BICD1: variants seen among roughly 807,000 people sequenced by gnomAD.
The protein encoded by BICD1 is BICD cargo adaptor 1.
BICD1 carries 35 observed loss-of-function variants against 92.5 expected under a neutral mutation model. The ratio of observed to expected loss-of-function variants is 0.38; its 90% CI spans 0.29 to 0.50. The LOEUF (loss-of-function observed/expected upper bound fraction) is 0.50, where lower values mean the gene tolerates loss of function less well. BICD1 is among the 20% of genes least tolerant of loss of function. The probability of loss-of-function intolerance (pLI) is 0.93; values close to 1 mark genes in which losing one functional copy is unlikely to be tolerated. For missense variants in BICD1, 950 were observed against 1,189.8 expected, an observed-to-expected ratio of 0.80 and a Z score of 2.97; for synonymous variants, 429 against 465.1, an observed-to-expected ratio of 0.92 and a Z score of 1.00.
At chr12:32,218,053 G>A (rs1945409950) in intron 2 of BICD1, among the ~76,000 whole-genome samples, 1 of 152,184 alleles carries the variant, frequency 6.6e-6, no homozygotes, top group Non-Finnish European at 1.5e-5. Flanking sequence ...AATCCCCATT[G>A]TGTGTAGCAG....
At chr12:32,154,959 A>G (rs1330288539) in intron 1 of BICD1, among the ~76,000 whole-genome samples, 1 of 151,898 alleles carries the variant, frequency 6.6e-6, no homozygotes, top group Non-Finnish European at 1.5e-5. Context: ...TTTACCCCAC[A>G]TTGTTTCTGC....
In BICD1 at chr12:32,288,587, C is replaced by T. The variant is rs182197745; in HGVS notation, c.427-5407C>T. The stretch of plus-strand genomic sequence containing the variant: ...TTAAAAATTATTATAATAAGTTGGC[C>T]GGGCTTGGTGACTCACACTTGTAAT... On this transcript the variant is annotated intron_variant, in intron 2 of 9. Coordinates refer to ENST00000652176, the MANE Select transcript of BICD1 (RefSeq NM_001714.4). Among the ~76,000 whole-genome samples, 10 of 152,032 alleles carry T rather than the reference C, an allele frequency of 6.6e-5. No individual in the cohort carries two copies. In the East Asian group the frequency reaches 1.8e-3, roughly 27 times the overall value.
At chr12:32,133,541 A>G (rs1942630595) in intron 1 of BICD1, among the ~76,000 whole-genome samples, 1 of 152,046 alleles carries the variant, frequency 6.6e-6, no homozygotes, top group Non-Finnish European at 1.5e-5. Flanking sequence ...GAAGGGATTC[A>G]TGACTTTGCC....
intron 2 of BICD1, among the ~76,000 whole-genome samples, chr12:32,223,880 G>A (rs757000943): frequency 6.6e-6 from 1 of 152,150 alleles, no homozygotes; most frequent in East Asian, 1.9e-4. Context: ...GAAAGAGATG[G>A]GGAATGGCTG....
chr12:32,295,082 G>GGAA (rs760259449), intron 3 of BICD1, among the ~76,000 whole-genome samples: 4 of 103,496 alleles, frequency 3.9e-5, no homozygotes, highest in African/African-American at 1.5e-4. Context: ...ATTCCGTCTC[G>GGAA]AAAAAAAAAA....
intron 9 of BICD1, among the ~76,000 whole-genome samples, chr12:32,368,677 A>T (rs1939620226): frequency 6.6e-6 from 1 of 152,180 alleles, no homozygotes; most frequent in Admixed American, 6.5e-5. Flanking sequence ...CCTAGGTGAC[A>T]GAGAGAGATT....
intron 2 of BICD1, among the ~76,000 whole-genome samples, chr12:32,225,788 T>C (rs1048398737): frequency 6.6e-6 from 1 of 151,610 alleles, no homozygotes; most frequent in East Asian, 1.9e-4. Context: ...ACCCGGCTAA[T>C]TTTTTGTATT....
intron 1 of BICD1, among the ~76,000 whole-genome samples, chr12:32,135,433 C>T (rs1307537314): frequency 1.8e-5 from 2 of 109,910 alleles, no homozygotes; most frequent in South Asian, 3.4e-4. Flanking sequence ...GGGTCTCTTG[C>T]GCTGTCACCT....
chr12:32,226,746 C>T (rs1350697258), intron 2 of BICD1, among the ~76,000 whole-genome samples: 2 of 152,184 alleles, frequency 1.3e-5, no homozygotes, highest in Non-Finnish European at 2.9e-5. Context: ...TGAGAAGCCC[C>T]TTCTAGATGG....
chr12:32,272,703 G>C (rs556718492), intron 2 of BICD1, among the ~76,000 whole-genome samples: 13 of 152,294 alleles, frequency 8.5e-5, no homozygotes, highest in African/African-American at 3.1e-4. Flanking sequence ...ACGTGCACCT[G>C]TAATCTCAGC....
chr12:32,220,043 T>G (rs937531195), intron 2 of BICD1, among the ~76,000 whole-genome samples: 1 of 152,174 alleles, frequency 6.6e-6, no homozygotes, highest in Non-Finnish European at 1.5e-5. Flanking sequence ...TAGCCATATG[T>G]AGAAAGCTGA....
intron 2 of BICD1, among the ~76,000 whole-genome samples, chr12:32,221,487 G>A (rs1945530272): frequency 6.6e-6 from 1 of 151,714 alleles, no homozygotes; most frequent in Non-Finnish European, 1.5e-5. Flanking sequence ...TTCAAGATCA[G>A]CCTGGCCAAG....
At chr12:32,247,741 C>T (rs546786331) in intron 2 of BICD1, among the ~76,000 whole-genome samples, 16 of 151,678 alleles carry the variant, frequency 1.1e-4, no homozygotes, top group Non-Finnish European at 1.5e-4. Context: ...TGCAGTGAGC[C>T]GAGATTGCAC....
At chr12:32,141,466 A>C (rs1174311973) in intron 1 of BICD1, among the ~76,000 whole-genome samples, 2 of 151,872 alleles carry the variant, frequency 1.3e-5, no homozygotes, top group African/African-American at 4.8e-5. Context: ...CTTCCTTTGG[A>C]CACACTTTTT....
At chr12:32,346,538 A>G (rs1318569782) in intron 8 of BICD1, among the ~76,000 whole-genome samples, 53 of 1,796 alleles carry the variant, frequency 0.03, no homozygotes, top group East Asian at 0.21. Flanking sequence ...ATATACGTGT[A>G]TATATATATA....
chr12:32,315,070 A>G (rs10431283), intron 4 of BICD1, among the ~76,000 whole-genome samples: 37,902 of 152,046 alleles, frequency 0.25, 5,148 homozygotes, highest in East Asian at 0.59. Context: ...TTTTCCTCTA[A>G]GAGTTTTATA....
At chr12:32,364,859 G>A (rs1338539412) in intron 8 of BICD1, among the ~76,000 whole-genome samples, 1 of 152,172 alleles carries the variant, frequency 6.6e-6, no homozygotes, top group Non-Finnish European at 1.5e-5. Context: ...GCTGAGGCAG[G>A]AGGATCACTT....
intron 2 of BICD1, among the ~76,000 whole-genome samples, chr12:32,290,858 C>T (rs941444443): frequency 1.2e-4 from 19 of 152,116 alleles, no homozygotes; most frequent in Non-Finnish European, 2.8e-4. Context: ...CCTTCTTTTC[C>T]CCCCTCCAAT....
chr12:32,125,815 G>A (rs998246442), intron 1 of BICD1, among the ~76,000 whole-genome samples: 1 of 151,916 alleles, frequency 6.6e-6, no homozygotes, highest in African/African-American at 2.4e-5. Context: ...GCCAAGGCAG[G>A]TGGATCACTT....
Sources: gnomAD v4.1 joint callset for allele counts (sites outside exome capture counted in the v4.1 genomes callset) on GRCh38, gnomAD v4.1.1 for gene constraint, MANE v1.5 for transcripts, NCBI Gene and HGNC (gene_info 2026-07-23, HGNC 2026-07-21) for gene names.